The following PDE8A variants were observed in gnomAD, a reference collection of about 807,000 sequenced individuals.
PDE8A encodes phosphodiesterase 8A.
PDE8A carries 59 observed loss-of-function variants against 105.0 expected under a neutral mutation model. The observed-to-expected ratio is 0.56, with a 90% CI of 0.46 to 0.70. The LOEUF (loss-of-function observed/expected upper bound fraction) is 0.70. PDE8A is among the 30% of genes least tolerant of loss of function. PDE8A has a pLI of 0.00. For synonymous variants in PDE8A, 355 were observed against 371.9 expected, an observed-to-expected ratio of 0.95 and a Z score of 0.52; for missense variants, 1,014 against 1,045.9, an observed-to-expected ratio of 0.97 and a Z score of 0.42.
chr15:85,113,354 T>C (rs370098012), intron 12 of PDE8A, 23 bp from the exon 13 acceptor site: 1 of 1,609,414 alleles, frequency 6.2e-7, no homozygotes, highest in African/African-American at 1.3e-5. Context: ...CATGCCCTGA[T>C]TTGTGCATCC....
chr15:84,987,874 A>T (rs28635537), intron 1 of PDE8A, among the ~76,000 whole-genome samples: 10 of 152,164 alleles, frequency 6.6e-5, no homozygotes, highest in Non-Finnish European at 1.3e-4. Flanking sequence ...ATTTTAAAAA[A>T]TTTTAAAAAA....
chr15:85,134,480 G>C (rs1197460253), intron 20 of PDE8A, among the ~76,000 whole-genome samples: 1 of 151,894 alleles, frequency 6.6e-6, no homozygotes, highest in Admixed American at 6.6e-5. Flanking sequence ...TTCTTAGACA[G>C]CAGTGGGGCT....
intron 1 of PDE8A, among the ~76,000 whole-genome samples, chr15:85,046,871 C>G (rs988958841): frequency 1.3e-5 from 2 of 152,154 alleles, no homozygotes; most frequent in Non-Finnish European, 2.9e-5. Flanking sequence ...ATCAAAACTT[C>G]TAATAATTTG....
intron 11 of PDE8A, among the ~76,000 whole-genome samples, chr15:85,104,840 G>C (rs1414146181): frequency 1.3e-5 from 2 of 152,168 alleles, no homozygotes; most frequent in Admixed American, 1.3e-4. Flanking sequence ...CAAGAAAGGA[G>C]TCCAGCAATA....
intron 1 of PDE8A, among the ~76,000 whole-genome samples, chr15:85,056,531 C>T (rs558615117): frequency 6.6e-6 from 1 of 152,082 alleles, no homozygotes; most frequent in Non-Finnish European, 1.5e-5. Flanking sequence ...TTTCTCTAAA[C>T]TTCTCTTCTC....
intron 1 of PDE8A, among the ~76,000 whole-genome samples, chr15:85,019,492 G>A (rs570396780): frequency 2.6e-5 from 4 of 152,234 alleles, no homozygotes; most frequent in Admixed American, 6.5e-5. Flanking sequence ...GGGCTCAAAC[G>A]ATCCACGTAT....
At chr15:85,091,289 C>G in intron 8 of PDE8A, 108 bp downstream of exon 8, 4 of 989,618 alleles carry the variant, frequency 4.0e-6, no homozygotes, top group Non-Finnish European at 5.8e-6. Context: ...CTCCCAGCAG[C>G]CCAGGGAAGT....
chr15:85,024,174 A>G (rs1040111475), intron 1 of PDE8A, among the ~76,000 whole-genome samples: 8 of 152,082 alleles, frequency 5.3e-5, no homozygotes, highest in African/African-American at 9.7e-5. Flanking sequence ...TGATCCGTCT[A>G]TCTGTCCCTA....
chr15:85,092,588 A>G (rs2081664136), intron 8 of PDE8A, among the ~76,000 whole-genome samples: 2 of 152,076 alleles, frequency 1.3e-5, no homozygotes, highest in South Asian at 4.2e-4. Context: ...CCTTGCTGCT[A>G]CTGGATGAGC....
chr15:85,123,268 A>G, intron 19 of PDE8A, 75 bp downstream of exon 19: 4 of 1,442,240 alleles, frequency 2.8e-6, no homozygotes, highest in Non-Finnish European at 2.9e-6. Context: ...CACATGGGCT[A>G]TGATATCAGC....
At chr15:85,021,667 A>G (rs947468805) in intron 1 of PDE8A, among the ~76,000 whole-genome samples, 11 of 152,232 alleles carry the variant, frequency 7.2e-5, no homozygotes, top group African/African-American at 2.7e-4. Context: ...CTCATATCCA[A>G]TCCAGGATCA....
intron 1 of PDE8A, among the ~76,000 whole-genome samples, chr15:85,000,724 G>T (rs1005599995): frequency 3.3e-5 from 5 of 152,230 alleles, no homozygotes; most frequent in African/African-American, 1.2e-4. Flanking sequence ...TTTGGAGTCA[G>T]TGGTTTCTAA....
At chr15:85,024,990 A>G (rs1434757032) in intron 1 of PDE8A, among the ~76,000 whole-genome samples, 1 of 152,244 alleles carries the variant, frequency 6.6e-6, no homozygotes, top group Admixed American at 6.5e-5. Context: ...GATTAAAAAC[A>G]AACAAATTAG....
intron 1 of PDE8A, among the ~76,000 whole-genome samples, chr15:85,060,837 CA>C (rs1382507953): frequency 1.3e-5 from 2 of 152,102 alleles, no homozygotes; most frequent in African/African-American, 4.8e-5. Flanking sequence ...GCCATTTATA[CA>C]ATAGCAATAG....
intron 1 of PDE8A, among the ~76,000 whole-genome samples, chr15:85,041,828 A>C (rs1180249416): frequency 6.6e-6 from 1 of 152,106 alleles, no homozygotes; most frequent in Non-Finnish European, 1.5e-5. Context: ...TCCCCATCCT[A>C]ATGTCCCCCA....
chr15:85,117,607 T>C, intron 16 of PDE8A, 34 bp from the exon 17 acceptor site: 1 of 1,578,168 alleles, frequency 6.3e-7, no homozygotes, highest in Non-Finnish European at 8.7e-7. Context: ...TTGTTTGCTT[T>C]GTTCTAATAT....
intron 6 of PDE8A, 119 bp downstream of exon 6, chr15:85,083,763 T>G: frequency 1.5e-6 from 1 of 679,192 alleles, no homozygotes; most frequent in South Asian, 1.7e-5. Flanking sequence ...TTGGAGAGAA[T>G]GGAGTGGCAA....
Position 84,982,229 on chromosome 15 carries a change from G to A in PDE8A, c.67G>A (p.Ala23Thr), listed in dbSNP as rs1213024104. 3 of 1,476,310 alleles carry A rather than the reference G, an allele frequency of 2.0e-6. No individual in the cohort carries two copies. In the South Asian group the frequency reaches 3.8e-5, roughly 19 times the overall value. The allele number at this position is 1,476,310 out of a possible 1,614,324, so 91.5% of individuals were successfully genotyped here. ...GGCCGAGGACGCGCCTAGCCCCGCG[G>A]CACCGCCGCTGTCGTCCGGCGGGCC... is the stretch of plus-strand genomic sequence containing the variant. Reference protein sequence around the residue: ...LVAEDAPSPAAPPLSSGGPRL... With the variant: ...LVAEDAPSPATPPLSSGGPRL... Residue 23 changes from alanine (A) to threonine (T), a missense_variant, in exon 1 of 22, where the codon GCA becomes ACA. Transcript: ENST00000394553.
chr15:85,031,156 A>G (rs1330960896), intron 1 of PDE8A, among the ~76,000 whole-genome samples: 1 of 152,224 alleles, frequency 6.6e-6, no homozygotes, highest in Admixed American at 6.5e-5. Context: ...TACACAAGCT[A>G]CTATGTTATC....
Sources: gnomAD v4.1 joint callset for allele counts (sites outside exome capture counted in the v4.1 genomes callset) on GRCh38, gnomAD v4.1.1 for gene constraint, MANE v1.5 for transcripts, NCBI Gene and HGNC (gene_info 2026-07-23, HGNC 2026-07-21) for gene names.